TNS1: variants seen among roughly 807,000 people sequenced by gnomAD.
TNS1 encodes the protein tensin-1.
TNS1 carries 62 observed loss-of-function variants against 168.6 expected under a neutral mutation model. The ratio of observed to expected loss-of-function variants is 0.37; its 90% CI spans 0.30 to 0.45. TNS1 has a LOEUF of 0.45. Among genes scored for constraint, TNS1 ranks in the 20% least tolerant of loss-of-function variants. TNS1 has a pLI of 1.00. For synonymous variants in TNS1, 934 were observed against 933.2 expected, an observed-to-expected ratio of 1.00 and a Z score of -0.02; for missense variants, 2,240 against 2,339.4, an observed-to-expected ratio of 0.96 and a Z score of 0.88.
chr2:217,839,562 G>A (rs954740095), intron 19 of TNS1, among the ~76,000 whole-genome samples: 2 of 151,746 alleles, frequency 1.3e-5, no homozygotes, highest in African/African-American at 4.8e-5. Flanking sequence ...ACACACACAC[G>A]CACACACACT....
At chr2:217,853,882 G>A (rs1386208053) in intron 18 of TNS1, among the ~76,000 whole-genome samples, 1 of 152,244 alleles carries the variant, frequency 6.6e-6, no homozygotes, top group Admixed American at 6.5e-5. Flanking sequence ...CACTAGCCAT[G>A]CAGCTCAGGC....
intron 1 of TNS1, among the ~76,000 whole-genome samples, chr2:218,030,366 T>A (rs780005593): frequency 1.2e-4 from 19 of 152,178 alleles, no homozygotes; most frequent in Non-Finnish European, 2.2e-4. Context: ...TCTGGAATCC[T>A]CACCCATCAC....
intron 2 of TNS1, among the ~76,000 whole-genome samples, chr2:217,989,150 G>A (rs544673022): frequency 6.6e-6 from 1 of 152,338 alleles, no homozygotes; most frequent in East Asian, 1.9e-4. Flanking sequence ...GGAGTCAGGA[G>A]CAGAGGAACA....
At chr2:217,902,505 C>A (rs1028998273) in intron 6 of TNS1, among the ~76,000 whole-genome samples, 5 of 152,216 alleles carry the variant, frequency 3.3e-5, no homozygotes, top group Non-Finnish European at 7.4e-5. Flanking sequence ...GGGCCGGGAG[C>A]CTGCAAAGGT....
intron 6 of TNS1, among the ~76,000 whole-genome samples, chr2:217,900,883 T>C (rs2125757753): frequency 6.6e-6 from 1 of 152,266 alleles, no homozygotes; most frequent in Non-Finnish European, 1.5e-5. Flanking sequence ...AGGAGGAGAA[T>C]ACGACTGCCA....
intron 19 of TNS1, among the ~76,000 whole-genome samples, chr2:217,846,007 A>T (rs1559593): frequency 0.4 from 60,472 of 151,550 alleles, 12,983 homozygotes; most frequent in African/African-American, 0.58. Context: ...CTCACCTCAA[A>T]AAAACCAAGA....
At chr2:217,998,131 A>G (rs952147072) in intron 1 of TNS1, among the ~76,000 whole-genome samples, 1 of 152,146 alleles carries the variant, frequency 6.6e-6, no homozygotes, top group Non-Finnish European at 1.5e-5. Context: ...AGACAGTGAC[A>G]TTTCCCCAGC....
chr2:217,834,387 C>T (rs1944884878), intron 21 of TNS1, among the ~76,000 whole-genome samples: 1 of 152,234 alleles, frequency 6.6e-6, no homozygotes, highest in Non-Finnish European at 1.5e-5. Context: ...TACACTGAGT[C>T]CCTCGTGGCC....
chr2:217,809,192 GATGGATGGATGGATGGATGGATGC>G (rs1939893201), intron 30 of TNS1, among the ~76,000 whole-genome samples: 2 of 83,088 alleles, frequency 2.4e-5, no homozygotes, highest in Non-Finnish European at 4.9e-5. Context: ...TGGATGGATG[GATGGATGGATGGATGGATGGATGC>G]ATGGATGGAT....
intron 3 of TNS1, among the ~76,000 whole-genome samples, chr2:217,924,679 C>T (rs930702227): frequency 1.3e-5 from 2 of 152,194 alleles, no homozygotes; most frequent in African/African-American, 4.8e-5. Context: ...CTCTCCGAGA[C>T]CCTCCAAGCC....
At chr2:217,851,345 T>C (rs72950114) in intron 18 of TNS1, among the ~76,000 whole-genome samples, 4,034 of 150,464 alleles carry the variant, frequency 0.027, 77 homozygotes, top group Non-Finnish European at 0.044. Flanking sequence ...AACAGGAACA[T>C]CCCAATCAAC....
chr2:217,829,839 C>T (rs1944159484), intron 22 of TNS1: 1 of 1,614,136 alleles, frequency 6.2e-7, no homozygotes, highest in Non-Finnish European at 8.5e-7. Flanking sequence ...GCAAATGCTA[C>T]TTACCTTCTG....
chr2:217,980,004 G>C (rs1300595140), intron 2 of TNS1, among the ~76,000 whole-genome samples: 1 of 152,130 alleles, frequency 6.6e-6, no homozygotes, highest in Admixed American at 6.5e-5. Flanking sequence ...GAGGCTCCGG[G>C]GTTCCCCACA....
chr2:217,992,172 C>A (rs1277396054), intron 1 of TNS1, among the ~76,000 whole-genome samples: 1 of 152,174 alleles, frequency 6.6e-6, no homozygotes, highest in East Asian at 1.9e-4. Flanking sequence ...CATCCCCTGC[C>A]CCAGGCACTC....
At position 217,800,267 on chromosome 2, in the gene TNS1, C is replaced by T. The variant is rs1937279426; in HGVS notation, c.*4192G>A. On this transcript the variant is annotated 3_prime_UTR_variant, in exon 33 of 33. Transcript: ENST00000682258. ...CAGTAACTCCACTGCTGGCAAGAGC[C>T]CAGGCGTGGGATATGAACAGAGGTC... The T allele has an allele frequency of 6.6e-6, 1 of 152,234 alleles. No homozygotes were observed. The highest frequency in any genetic ancestry group is 1.5e-5 in the Non-Finnish European group (1 of 68,066). 9.4% of individuals were successfully genotyped at this position (152,234 alleles called of 1,614,324 possible).
rs79996010 is a variant in TNS1 at position 217,957,060 on chromosome 2, G to A, written c.186+21705C>T. ...GGCTAGCAATGAAAGCACAGGCTGG[G>A]GGCACGAGGAGTAGGACCACGGTAT... is the stretch of plus-strand genomic sequence containing the variant. On this transcript the variant is annotated intron_variant, in intron 3 of 32. Coordinates refer to ENST00000682258, the MANE Select transcript of TNS1 (RefSeq NM_001387777.1). Among the ~76,000 whole-genome samples the A allele has an allele frequency of 1.8e-3, 268 of 152,298 alleles. 1 individual carries two copies. Among genetic ancestry groups the A allele is most frequent in the African/African-American group, 5.4e-3 (224 of 41,562 alleles).
chr2:217,888,115 C>T (rs564443307), intron 12 of TNS1, among the ~76,000 whole-genome samples: 91 of 152,334 alleles, frequency 6.0e-4, no homozygotes, highest in Non-Finnish European at 1.0e-3. Context: ...GGGCAGCACC[C>T]GATCCTATTC....
At position 217,813,283 on chromosome 2, in the gene TNS1, C is replaced by G; in HGVS notation, c.4886G>C (p.Arg1629Thr). ...GGGGCCAGTCTCTATCAGAAAATGC[C>G]TGACCAGCTCATGGGTCATGTCTCC... ...KKGDMTHELV[R>T]HFLIETGPRG... The change falls in exon 27 of 33, where the codon AGG becomes ACG. Residue 1629 changes from arginine to threonine, a missense_variant. By Grantham distance (71) the Arg-to-Thr change is moderately conservative. Transcript: ENST00000682258. The surrounding 1 kb of genome is among the most constrained non-coding windows in gnomAD (Gnocchi z 4.0). The G allele has an allele frequency of 6.3e-7, 1 of 1,595,074 alleles. No individual in the cohort carries two copies. Among genetic ancestry groups the G allele is most frequent in the Non-Finnish European group, 8.6e-7 (1 of 1,169,326 alleles).
chr2:217,891,419 G>A (rs1951735164), intron 11 of TNS1, among the ~76,000 whole-genome samples: 1 of 152,186 alleles, frequency 6.6e-6, no homozygotes, highest in African/African-American at 2.4e-5. Context: ...TGACTATGGA[G>A]ATGAAGTGAG....
Sources: allele counts gnomAD v4.1 joint callset (sites outside exome capture counted in the v4.1 genomes callset), GRCh38; gene constraint gnomAD v4.1.1; non-coding constraint Gnocchi (gnomAD v3.1); transcripts MANE v1.5; gene names NCBI Gene and HGNC (gene_info 2026-07-23, HGNC 2026-07-21).